The following PLEKHG1 variants were observed in gnomAD, a reference collection of about 807,000 sequenced individuals.
The protein encoded by PLEKHG1 is pleckstrin homology and RhoGEF domain containing G1.
In PLEKHG1, 44 loss-of-function variants were observed where a neutral mutation model predicts 100.8. The ratio of observed to expected loss-of-function variants is 0.44; its 90% CI spans 0.34 to 0.56. The LOEUF is 0.56. Among genes scored for constraint, PLEKHG1 ranks in the 20% least tolerant of loss-of-function variants. PLEKHG1 has a pLI of 0.01. For synonymous variants in PLEKHG1, 640 were observed against 662.5 expected, an observed-to-expected ratio of 0.97 and a Z score of 0.52; for missense variants, 1,545 against 1,720.9, an observed-to-expected ratio of 0.90 and a Z score of 1.81.
At chr6:150,784,443 G>A (rs978571425) in intron 3 of PLEKHG1, among the ~76,000 whole-genome samples, 3 of 152,114 alleles carry the variant, frequency 2.0e-5, no homozygotes, top group Non-Finnish European at 2.9e-5. Flanking sequence ...AAGTGCGAAG[G>A]GAGAACATTT....
intron 1 of PLEKHG1, among the ~76,000 whole-genome samples, chr6:150,608,018 A>T (rs1458408669): frequency 6.6e-6 from 1 of 152,204 alleles, no homozygotes; most frequent in Non-Finnish European, 1.5e-5. Context: ...AACTCAAAGG[A>T]ACATCATTTC....
At chr6:150,782,856 T>G (rs1047290182) in intron 3 of PLEKHG1, among the ~76,000 whole-genome samples, 1 of 152,156 alleles carries the variant, frequency 6.6e-6, no homozygotes, top group East Asian at 1.9e-4. Flanking sequence ...ACGTTGTGGC[T>G]CATTTTCAAA....
chr6:150,794,145 C>T (rs375342457), intron 4 of PLEKHG1, among the ~76,000 whole-genome samples: 79 of 152,204 alleles, frequency 5.2e-4, no homozygotes, highest in African/African-American at 1.9e-3. Context: ...CTGTGCCGCA[C>T]AGTGTGGTTT....
intron 15 of PLEKHG1, among the ~76,000 whole-genome samples, 184 bp from the exon 17 acceptor site, chr6:150,839,649 A>G (rs986654815): frequency 1.3e-5 from 2 of 152,190 alleles, no homozygotes; most frequent in Non-Finnish European, 2.9e-5. Flanking sequence ...TATTTATATT[A>G]AACCATGGAT....
intron 7 of PLEKHG1, among the ~76,000 whole-genome samples, chr6:150,806,670 A>C (rs1190910027): frequency 6.6e-6 from 1 of 151,074 alleles, no homozygotes; most frequent in Admixed American, 6.6e-5. Context: ...CTCAAAAAAA[A>C]AAAAAAAATT....
intron 3 of PLEKHG1, among the ~76,000 whole-genome samples, chr6:150,668,993 T>C (rs1230163542): frequency 1.3e-5 from 2 of 152,242 alleles, no homozygotes; most frequent in African/African-American, 4.8e-5. Context: ...CTCCATGCCA[T>C]TGTTAATCTG....
chr6:150,785,880 G>A (rs1785594767), intron 3 of PLEKHG1, among the ~76,000 whole-genome samples: 1 of 152,026 alleles, frequency 6.6e-6, no homozygotes, highest in Admixed American at 6.6e-5. Context: ...TGGGATCTAG[G>A]TTATGAGAAT....
chr6:150,736,782 C>CAAAA (rs988696830), intron 2 of PLEKHG1, among the ~76,000 whole-genome samples: 2 of 150,960 alleles, frequency 1.3e-5, no homozygotes, highest in Non-Finnish European at 3.0e-5. Context: ...AAAACAAAAA[C>CAAAA]AAAAACAAAA....
rs151169381 is a variant in PLEKHG1, at chr6:150,724,893, C to T, written c.-99+3693C>T. Among the ~76,000 whole-genome samples the T allele has an allele frequency of 2.4e-3, 362 of 152,272 alleles. 1 individual carries two copies. Among genetic ancestry groups the T allele is most frequent in the African/African-American group, 8.2e-3 (342 of 41,562 alleles). Reference sequence around the variant, plus strand: ...TTTCTTTAGGTTCTTTTTCACCAGACTGCTCCAGAGACACCCCTTAGCTAA... The same window carrying T: ...TTTCTTTAGGTTCTTTTTCACCAGATTGCTCCAGAGACACCCCTTAGCTAA... On this transcript the variant is annotated intron_variant, in intron 1 of 15. Transcript: ENST00000358517.
intron 4 of PLEKHG1, among the ~76,000 whole-genome samples, chr6:150,787,847 G>A (rs191420106): frequency 9.1e-4 from 139 of 152,254 alleles, no homozygotes; most frequent in Middle Eastern, 3.4e-3. Context: ...GTGCACACAC[G>A]TTTACCTGTG....
At chr6:150,782,387 C>G (rs1785362202) in intron 3 of PLEKHG1, among the ~76,000 whole-genome samples, 1 of 152,018 alleles carries the variant, frequency 6.6e-6, no homozygotes, top group Non-Finnish European at 1.5e-5. Context: ...GAGCGAGACT[C>G]TGTCTCAAAA....
At chr6:150,648,357 A>G (rs1460297275) in intron 2 of PLEKHG1, among the ~76,000 whole-genome samples, 5 of 152,050 alleles carry the variant, frequency 3.3e-5, no homozygotes, top group Admixed American at 2.0e-4. Flanking sequence ...AAAAATGTCT[A>G]TTGATTTCAG....
intron 3 of PLEKHG1, among the ~76,000 whole-genome samples, chr6:150,693,054 C>A (rs1009969163): frequency 7.2e-5 from 11 of 152,066 alleles, no homozygotes; most frequent in Non-Finnish European, 1.2e-4. Context: ...GGGAACTGTT[C>A]CTGCGGTTGG....
At chr6:150,733,492 G>C (rs527781936) in intron 1 of PLEKHG1, 92 bp from the exon 3 acceptor site, 3 of 1,123,262 alleles carry the variant, frequency 2.7e-6, no homozygotes, top group African/African-American at 3.1e-5. Context: ...GTTATTGACT[G>C]TATTTATTTG....
At chr6:150,681,515 AGAAAG>A (rs1779932386) in intron 3 of PLEKHG1, among the ~76,000 whole-genome samples, 1 of 148,068 alleles carries the variant, frequency 6.8e-6, no homozygotes, top group African/African-American at 2.4e-5. Context: ...AAAAAAAAAA[AGAAAG>A]GATAATAGTA....
chr6:150,771,493 C>T (rs1784713072), intron 3 of PLEKHG1, among the ~76,000 whole-genome samples: 1 of 152,064 alleles, frequency 6.6e-6, no homozygotes, highest in Admixed American at 6.5e-5. Context: ...CCCCCGTCTG[C>T]AGAAGTTAGA....
At chr6:150,780,865 T>G (rs113009503) in intron 3 of PLEKHG1, among the ~76,000 whole-genome samples, 2 of 151,086 alleles carry the variant, frequency 1.3e-5, no homozygotes, top group African/African-American at 4.9e-5. Flanking sequence ...AAGCAGGGGG[T>G]TTTTTGTTTG....
At chr6:150,803,997 G>A (rs1044162287) in intron 6 of PLEKHG1, among the ~76,000 whole-genome samples, 7 of 144,314 alleles carry the variant, frequency 4.9e-5, no homozygotes, top group African/African-American at 1.9e-4. Flanking sequence ...GAAACTCAAT[G>A]GGCTACATGT....
intron 3 of PLEKHG1, among the ~76,000 whole-genome samples, chr6:150,706,976 C>CTTTTTT (rs1781035833): frequency 4.3e-5 from 2 of 46,226 alleles, no homozygotes; most frequent in Admixed American, 2.5e-4. Flanking sequence ...TTCTTTTTTT[C>CTTTTTT]TTTTCTTTTC....
Sources: allele counts gnomAD v4.1 joint callset (sites outside exome capture counted in the v4.1 genomes callset), GRCh38; gene constraint gnomAD v4.1.1; transcripts MANE v1.5; gene names NCBI Gene and HGNC (gene_info 2026-07-23, HGNC 2026-07-21).